Variants in ACOT1 observed in about 807,000 individuals in gnomAD.
ACOT1 encodes acyl-CoA thioesterase 1, also known as acyl-coenzyme A thioesterase 1.
Under a neutral mutation model 15.7 loss-of-function variants are expected in ACOT1, and 8 were observed. That is an observed-to-expected ratio of 0.51 (90% confidence interval 0.30 to 0.92). The LOEUF (loss-of-function observed/expected upper bound fraction) is 0.92, where lower values mean the gene tolerates loss of function less well. ACOT1 is among the 40% of genes least tolerant of loss of function. The pLI is 0.06. For missense variants in ACOT1, 151 were observed against 539.4 expected, an observed-to-expected ratio of 0.28 and a Z score of 7.13; for synonymous variants, 67 against 241.2, an observed-to-expected ratio of 0.28 and a Z score of 6.69.
At chr14:73,500,428 T>C in the ACOT1 span, 1 of 1,090,434 alleles carries the variant, frequency 9.2e-7, no homozygotes, top group Non-Finnish European at 1.3e-6. Context: ...TACACCCCCT[T>C]CCCAGTTCCA....
the ACOT1 span, among the ~76,000 whole-genome samples, chr14:73,503,591 T>G: frequency 6.6e-6 from 1 of 152,218 alleles, no homozygotes; most frequent in Non-Finnish European, 1.5e-5. Flanking sequence ...GTAGTCTTCC[T>G]TTAGGATTTA....
the ACOT1 span, among the ~76,000 whole-genome samples, chr14:73,509,866 A>T: frequency 0.074 from 4,955 of 67,248 alleles, 467 homozygotes; most frequent in African/African-American, 0.2. Context: ...ATATATATAT[A>T]TATTTATTTA....
At chr14:73,524,314 T>A in the ACOT1 span, among the ~76,000 whole-genome samples, 1,494 of 88,932 alleles carry the variant, frequency 0.017, 48 homozygotes, top group African/African-American at 0.06. Context: ...AAAAAAAATA[T>A]ATATATATAT....
the ACOT1 span, among the ~76,000 whole-genome samples, chr14:73,513,823 C>T: frequency 1.3e-5 from 2 of 151,012 alleles, no homozygotes; most frequent in Non-Finnish European, 2.9e-5. Flanking sequence ...AAGTAATACC[C>T]ATCCATGCAA....
At position 73,537,359 on chromosome 14, in the gene ACOT1, G is replaced by T; in HGVS notation, c.-63G>T. 1 of 1,192,692 alleles carries T rather than the reference G, an allele frequency of 8.4e-7. No individual in the cohort carries two copies. Among genetic ancestry groups the T allele is most frequent in the African/African-American group, 1.6e-5 (1 of 64,084 alleles). 73.9% of individuals were successfully genotyped at this position (1,192,692 alleles called of 1,614,324 possible). A position where few individuals can be genotyped will look rare whatever the true frequency, so the allele number is the denominator to read the frequency against. ...ACGGCAGCCCGAGAGGAAGAGTTGG[G>T]CAGAGTTGCAGGGGTCTCCACAGCT... On this transcript the variant is annotated 5_prime_UTR_variant, in exon 1 of 3. Transcript: ENST00000311148.
At chr14:73,509,854 ATATATATATATATATT>A in the ACOT1 span, among the ~76,000 whole-genome samples, 14 of 58,574 alleles carry the variant, frequency 2.4e-4, 1 homozygote, top group African/African-American at 5.9e-4. Context: ...ATATATATAT[ATATATATATATATATT>A]TATTTATTTT....
the ACOT1 span, among the ~76,000 whole-genome samples, chr14:73,509,804 A>C: frequency 3.0e-5 from 3 of 99,588 alleles, no homozygotes; most frequent in South Asian, 6.9e-4. Flanking sequence ...AATTTGCCCC[A>C]TGAGCCCATA....
At chr14:73,522,936 A>C in the ACOT1 span, 1 of 1,614,196 alleles carries the variant, frequency 6.2e-7, no homozygotes, top group Non-Finnish European at 8.5e-7. Context: ...TCCTGAGAGA[A>C]GGTAAGGTTT....
At chr14:73,503,881 C>G in the ACOT1 span, among the ~76,000 whole-genome samples, 3 of 152,146 alleles carry the variant, frequency 2.0e-5, no homozygotes, top group South Asian at 6.2e-4. Flanking sequence ...TTCTTAGCTC[C>G]AGCAATCTGC....
At chr14:73,497,398 C>T in the ACOT1 span, among the ~76,000 whole-genome samples, 6 of 152,092 alleles carry the variant, frequency 3.9e-5, no homozygotes, top group Admixed American at 2.6e-4. Context: ...TTATGACAGG[C>T]GCTAAACATG....
the ACOT1 span, chr14:73,508,088 C>G: frequency 1.9e-6 from 3 of 1,576,974 alleles, no homozygotes; most frequent in Non-Finnish European, 1.7e-6. Flanking sequence ...CCTCAAAGAC[C>G]TAATTGCTCC....
At chr14:73,523,011 T>C in the ACOT1 span, 5 of 1,613,970 alleles carry the variant, frequency 3.1e-6, no homozygotes, top group South Asian at 1.1e-5. Flanking sequence ...AAGAAGACCA[T>C]AGGCACACTG....
the ACOT1 span, among the ~76,000 whole-genome samples, chr14:73,521,694 T>G: frequency 6.6e-6 from 1 of 152,216 alleles, no homozygotes; most frequent in East Asian, 1.9e-4. Flanking sequence ...CATCTTCTTC[T>G]CTCAGGTTGT....
At chr14:73,493,041 T>A in the ACOT1 span, 1 of 1,602,466 alleles carries the variant, frequency 6.2e-7, no homozygotes, top group African/African-American at 1.4e-5. Context: ...CTTACCTTGA[T>A]AAGCATCAGT....
the ACOT1 span, among the ~76,000 whole-genome samples, chr14:73,512,826 G>A: frequency 1.3e-5 from 2 of 151,962 alleles, no homozygotes; most frequent in African/African-American, 4.8e-5. Context: ...AGTCTTTTTT[G>A]TTATTGTTTA....
chr14:73,528,956 T>A, the ACOT1 span: 1 of 152,096 alleles, frequency 6.6e-6, no homozygotes, highest in Non-Finnish European at 1.5e-5. Context: ...AACTTACACA[T>A]TACGTGACCA....
the ACOT1 span, among the ~76,000 whole-genome samples, chr14:73,499,393 T>C: frequency 2.7e-4 from 41 of 152,118 alleles, no homozygotes; most frequent in African/African-American, 9.6e-4. Context: ...GGTAGGAGAA[T>C]TGCTTGGACC....
chr14:73,534,072 AC>A (rs1888790920), upstream of ACOT1, among the ~76,000 whole-genome samples: 1 of 110,602 alleles, frequency 9.0e-6, no homozygotes, highest in Non-Finnish European at 2.0e-5. Context: ...ACAGAGCAAG[AC>A]CTAGTCTCTA....
the ACOT1 span, chr14:73,492,506 G>T: frequency 6.2e-7 from 1 of 1,613,662 alleles, no homozygotes; most frequent in East Asian, 2.2e-5. This position sits in a 1 kb window ranked among gnomAD's most constrained non-coding sequence, Gnocchi z 4.9. Context: ...TGTTGATGCT[G>T]TGGCCGACCA....
Sources: allele counts gnomAD v4.1 joint callset (sites outside exome capture counted in the v4.1 genomes callset), GRCh38; gene constraint gnomAD v4.1.1; non-coding constraint Gnocchi (gnomAD v3.1); transcripts MANE v1.5; gene names NCBI Gene and HGNC (gene_info 2026-07-23, HGNC 2026-07-21).